HYDIN: variants seen among roughly 807,000 people sequenced by gnomAD.
The protein encoded by HYDIN is HYDIN axonemal central pair apparatus protein.
Under a neutral mutation model 403.9 loss-of-function variants are expected in HYDIN, and 132 were observed. The observed-to-expected ratio is 0.33, with a 90% CI of 0.28 to 0.38. HYDIN has a LOEUF of 0.38. Ranked by LOEUF, HYDIN falls within the 10% of genes least tolerant of loss-of-function variation. The pLI is 1.00. For missense variants in HYDIN, 2,827 were observed against 5,009.5 expected (o/e 0.56, Z 13.15); for synonymous variants, 1,202 against 1,891.7 (o/e 0.64, Z 9.46).
At chr16:71,117,928 G>T (rs896288451) in intron 9 of HYDIN, among the ~76,000 whole-genome samples, 3 of 151,758 alleles carry the variant, frequency 2.0e-5, no homozygotes, top group Non-Finnish European at 4.4e-5. Flanking sequence ...GCTTAAGGGG[G>T]AGCAGAGAGG....
intron 1 of HYDIN, among the ~76,000 whole-genome samples, chr16:71,214,170 T>C (rs568100647): frequency 6.6e-6 from 1 of 152,130 alleles, no homozygotes; most frequent in African/African-American, 2.4e-5. Flanking sequence ...TACAATACCA[T>C]AAAAAGTTCA....
intron 41 of HYDIN, among the ~76,000 whole-genome samples, chr16:70,948,388 T>C (rs548847990): frequency 0.046 from 6,933 of 151,956 alleles, 513 homozygotes; most frequent in African/African-American, 0.16. Context: ...ATTCAGGACA[T>C]AGGCATGGGC....
intron 7 of HYDIN, among the ~76,000 whole-genome samples, chr16:71,145,511 C>A (rs1233810490): frequency 6.6e-6 from 1 of 152,084 alleles, no homozygotes; most frequent in Non-Finnish European, 1.5e-5. Context: ...CCTTGGCCTC[C>A]CGATTACAGG....
intron 60 of HYDIN, 115 bp downstream of exon 60, chr16:70,882,545 C>T: frequency 1.7e-6 from 1 of 598,708 alleles, no homozygotes. Context: ...TAACTTCCAG[C>T]AGGGCCAGAT....
chr16:70,909,476 T>C (rs981296090), intron 47 of HYDIN, among the ~76,000 whole-genome samples: 8 of 147,176 alleles, frequency 5.4e-5, no homozygotes, highest in Middle Eastern at 3.5e-3. Context: ...TAATAACTAG[T>C]TTTAACAGTT....
intron 8 of HYDIN, among the ~76,000 whole-genome samples, chr16:71,136,667 T>C (rs28600367): frequency 0.33 from 46,052 of 141,694 alleles, 7,726 homozygotes; most frequent in East Asian, 0.56. Context: ...CTCAGGAGGC[T>C]GAGGCAGGAG....
At chr16:70,923,968 A>G (rs1166848851) in intron 45 of HYDIN, among the ~76,000 whole-genome samples, 1 of 152,160 alleles carries the variant, frequency 6.6e-6, no homozygotes, top group Non-Finnish European at 1.5e-5. Flanking sequence ...AGAGAAAGGT[A>G]CAAATAAACA....
intron 37 of HYDIN, among the ~76,000 whole-genome samples, chr16:70,962,786 G>A (rs996522865): frequency 6.8e-6 from 1 of 146,698 alleles, no homozygotes; most frequent in Non-Finnish European, 1.5e-5. Context: ...TGAGCCTGAG[G>A]GGTTGCAGCT....
intron 22 of HYDIN, among the ~76,000 whole-genome samples, chr16:71,019,511 C>A (rs2080393788): frequency 1.3e-5 from 2 of 152,308 alleles, no homozygotes; most frequent in South Asian, 2.1e-4. Flanking sequence ...TTACCACTGG[C>A]ACAAGGGGCT....
chr16:71,061,992 A>G (rs1035714038), intron 17 of HYDIN, among the ~76,000 whole-genome samples, 177 bp downstream of exon 17: 2 of 152,184 alleles, frequency 1.3e-5, no homozygotes, highest in Non-Finnish European at 2.9e-5. Flanking sequence ...CCATAAACAG[A>G]TTCTGTAAAG....
intron 73 of HYDIN, among the ~76,000 whole-genome samples, chr16:70,852,122 G>A (rs2038694917): frequency 7.9e-6 from 1 of 125,798 alleles, no homozygotes; most frequent in African/African-American, 4.3e-5. Flanking sequence ...GGGGAGGGGA[G>A]GAAGGGAGGC....
intron 75 of HYDIN, among the ~76,000 whole-genome samples, chr16:70,841,585 T>C (rs2037825224): frequency 6.6e-6 from 1 of 152,042 alleles, no homozygotes; most frequent in African/African-American, 2.4e-5. Flanking sequence ...TATTGGGAAG[T>C]GGGACTTTTA....
chr16:70,895,940 C>G (rs2076188860), intron 54 of HYDIN, 41 bp downstream of exon 54: 1 of 1,558,684 alleles, frequency 6.4e-7, no homozygotes, highest in Non-Finnish European at 8.6e-7. Context: ...ATACAAAAGA[C>G]CCAACTTCCA....
chr16:70,907,898 A>G (rs1452953106), intron 49 of HYDIN, among the ~76,000 whole-genome samples: 2 of 151,638 alleles, frequency 1.3e-5, no homozygotes, highest in Non-Finnish European at 2.9e-5. Flanking sequence ...GGTGTTCAGT[A>G]GCTTGGAAAA....
chr16:70,981,532 C>T lies in HYDIN; in HGVS notation c.4369G>A (p.Val1457Ile). Residue 1457 changes from valine (V) to isoleucine (I), a missense_variant, in exon 29 of 86, where the codon GTT becomes ATT. Coordinates refer to ENST00000393567, the MANE Select transcript of HYDIN (RefSeq NM_001270974.2). ...TCAGGTACTCCAGGTAGGTAGTAAA[C>T]TTTTAATACCTGCTCTTGATGTGAA... ...ISSHQEQVLK[V>I]YYLPGVPEVF... is the part of the protein sequence containing the mutation. 1 of 1,611,864 alleles carries T rather than the reference C, an allele frequency of 6.2e-7. No homozygotes were observed. The highest frequency in any genetic ancestry group is 8.5e-7 in the Non-Finnish European group (1 of 1,179,274).
chr16:71,161,136 C>T (rs1423621644), intron 6 of HYDIN, among the ~76,000 whole-genome samples: 6 of 141,454 alleles, frequency 4.2e-5, no homozygotes, highest in African/African-American at 1.1e-4. Context: ...TGCAACTAGA[C>T]GTTCCCATCT....
intron 6 of HYDIN, among the ~76,000 whole-genome samples, chr16:71,154,144 G>A (rs1419789746): frequency 7.0e-6 from 1 of 143,582 alleles, no homozygotes; most frequent in East Asian, 2.1e-4. Context: ...GTCAGGGGTA[G>A]CACTGGGTGG....
rs541266108 is a variant in HYDIN at position 70,860,025 on chromosome 16, A to C, written c.12129+43T>G. On this transcript the variant is annotated intron_variant, in intron 71 of 85. Transcript: ENST00000393567. ...ACACTTTCCACACAGCAATGGCTAG[A>C]GTGATCTAAGCCTTGGGTTGAGTGG... 15 of 1,562,538 alleles carry C rather than the reference A, an allele frequency of 9.6e-6. No homozygotes were observed. In the East Asian group the frequency reaches 2.9e-4, roughly 30 times the overall value.
At position 70,850,491 on chromosome 16, in the gene HYDIN, G is replaced by T; in HGVS notation, c.12608C>A (p.Thr4203Asn). 1 of 1,599,280 alleles carries T rather than the reference G, an allele frequency of 6.3e-7. No homozygotes were observed. The highest frequency in any genetic ancestry group is 8.5e-7 in the Non-Finnish European group (1 of 1,170,918). ...IKCKDRTGSI[T>N]LLTPNQTNII... ...GTTAGTCTGGTTGGGAGTCAACAGA[G>T]TGATGGAGCCTGTCCTGTCCTTGCA... is the stretch of plus-strand genomic sequence containing the variant. The change falls in exon 74 of 86, where the codon ACT becomes AAT. Residue 4203 changes from threonine (T) to asparagine (N), a missense_variant. By Grantham distance (65) the Thr-to-Asn change is moderately conservative. Coordinates refer to ENST00000393567, the MANE Select transcript of HYDIN (RefSeq NM_001270974.2).
Sources: gnomAD v4.1 joint callset for allele counts (sites outside exome capture counted in the v4.1 genomes callset) on GRCh38, gnomAD v4.1.1 for gene constraint, MANE v1.5 for transcripts, NCBI Gene and HGNC (gene_info 2026-07-23, HGNC 2026-07-21) for gene names.